GPR137: variants seen among roughly 807,000 people sequenced by gnomAD.
GPR137 encodes the protein integral membrane protein GPR137.
GPR137 carries 20 observed loss-of-function variants against 38.9 expected under a neutral mutation model. The observed-to-expected ratio is 0.51, with a 90% confidence interval of 0.36 to 0.75. The LOEUF (loss-of-function observed/expected upper bound fraction) is 0.75. Among genes scored for constraint, GPR137 ranks in the 30% least tolerant of loss-of-function variants. The pLI is 0.00. For missense variants in GPR137, 456 were observed against 526.4 expected (o/e 0.87, Z 1.31); for synonymous variants, 226 against 235.8 (o/e 0.96, Z 0.38).
At chr11:64,285,326 T>G, upstream of GPR137, 2 of 984,766 alleles carry the variant, frequency 2.0e-6, no homozygotes, top group African/African-American at 3.5e-5. Flanking sequence ...GGGGACCCGG[T>G]GAGGGAGGAC....
chr11:64,284,314 C>G (rs776378280), upstream of GPR137: 2 of 1,612,626 alleles, frequency 1.2e-6, no homozygotes, highest in African/African-American at 1.3e-5. Flanking sequence ...AGGCCCCTCT[C>G]TGCAGAGCTG....
rs375188669 is a variant in GPR137 at position 64,288,326 on chromosome 11, C to G, written c.784-14C>G. 1.2e-6 allele frequency: 2 copies of G among 1,613,676 alleles called. No homozygotes were observed. Among genetic ancestry groups the G allele is most frequent in the Admixed American group, 3.3e-5 (2 of 60,022 alleles). On this transcript the variant is annotated splice_polypyrimidine_tract_variant and intron_variant, in intron 4 of 6. Transcript: ENST00000438980. The surrounding 1 kb of genome is among the most constrained non-coding windows in gnomAD (Gnocchi z 5.5). ...CGTGACTGCAGACTGGCACCAGCCC[C>G]TGCCTTCCCACAGGCGGACCTGGTG...
At chr11:64,280,643 G>A (rs557479854), upstream of GPR137, among the ~76,000 whole-genome samples, 3 of 148,706 alleles carry the variant, frequency 2.0e-5, no homozygotes, top group Admixed American at 6.7e-5. Context: ...GAGCCACCGC[G>A]CCTGGCCTAA....
At position 64,286,009 on chromosome 11, in the gene GPR137, C is replaced by G. The variant is rs1203482683; in HGVS notation, c.-516C>G. ...GGGCGGGGGCAGCTTTCGAGAATTA[C>G]GAGGACAGGAGGCAGAGGCCCTCCC... On this transcript the variant is annotated 5_prime_UTR_variant, in exon 1 of 7. Coordinates refer to ENST00000438980, the MANE Select transcript of GPR137 (RefSeq NM_001170880.2). 1 of 984,906 alleles carries G rather than the reference C, an allele frequency of 1.0e-6. No homozygotes were observed. Among genetic ancestry groups the G allele is most frequent in the Non-Finnish European group, 1.2e-6 (1 of 829,372 alleles). The allele number at this position is 984,906 out of a possible 1,614,324, so 61.0% of individuals were successfully genotyped here. A position where few individuals can be genotyped will look rare whatever the true frequency, so the allele number is the denominator to read the frequency against.
At chr11:64,281,765 G>A (rs2033490524), upstream of GPR137, among the ~76,000 whole-genome samples, 1 of 152,164 alleles carries the variant, frequency 6.6e-6, no homozygotes, top group African/African-American at 2.4e-5. Context: ...TCTGTCGCCA[G>A]GCTGGAGTGC....
upstream of GPR137, among the ~76,000 whole-genome samples, chr11:64,282,007 C>G (rs1353897125): frequency 6.6e-6 from 1 of 152,214 alleles, no homozygotes; most frequent in Admixed American, 6.5e-5. Flanking sequence ...GCGTGAGCCA[C>G]CGCGCCCGGC....
Position 64,288,099 on chromosome 11 carries a change from G to A in GPR137, c.668G>A (p.Gly223Asp). 6.2e-7 allele frequency: 1 copy of A among 1,612,020 alleles called. No individual in the cohort carries two copies. Among genetic ancestry groups the A allele is most frequent in the Non-Finnish European group, 8.5e-7 (1 of 1,179,972 alleles). ...GTGTGCCAGGCGGCCGCGATGGGTG[G>A]CGCCATGGTCCTGCTCTATGCCAGC... ...TSVCQAAAMG[G>D]AMVLLYASRA... Residue 223 changes from glycine (G) to aspartate (D), a missense_variant, in exon 4 of 7, where the codon GGC becomes GAC. Coordinates refer to ENST00000438980, the MANE Select transcript of GPR137 (RefSeq NM_001170880.2). This position sits in a 1 kb window ranked among gnomAD's most constrained non-coding sequence, Gnocchi z 5.5.
At position 64,288,051 on chromosome 11, in the gene GPR137, G is replaced by C; in HGVS notation, c.634-14G>C. The C allele has an allele frequency of 6.2e-7, 1 of 1,608,826 alleles. No individual in the cohort carries two copies. Among genetic ancestry groups the C allele is most frequent in the Non-Finnish European group, 8.5e-7 (1 of 1,179,956 alleles). ...CTTCTCTCCCTGAGGGTCCTCTGTT[G>C]TTACCTGTGCCAGGGGACCAGTGTG... On this transcript the variant is annotated splice_polypyrimidine_tract_variant and intron_variant, in intron 3 of 6. Transcript: ENST00000438980. The surrounding 1 kb of genome is among the most constrained non-coding windows in gnomAD (Gnocchi z 5.5).
chr11:64,284,757 CA>C, upstream of GPR137: 3 of 1,535,654 alleles, frequency 2.0e-6, no homozygotes, highest in Non-Finnish European at 2.6e-6. Context: ...CTCGGAACGT[CA>C]CTCGGGTAGG....
At chr11:64,283,568 C>G (rs2033626896), upstream of GPR137, among the ~76,000 whole-genome samples, 1 of 152,226 alleles carries the variant, frequency 6.6e-6, no homozygotes, top group Non-Finnish European at 1.5e-5. Flanking sequence ...CAGGACAGTC[C>G]TGCTGTGGGT....
At chr11:64,287,649 C>T in intron 2 of GPR137, 72 bp from the exon 3 acceptor site, 1 of 1,586,906 alleles carries the variant, frequency 6.3e-7, no homozygotes, top group Non-Finnish European at 8.5e-7. Context: ...TTGGGGTTTC[C>T]TGCAGGAGGT....
chr11:64,284,620 A>T (rs1028432318), upstream of GPR137: 1 of 1,511,972 alleles, frequency 6.6e-7, no homozygotes, highest in African/African-American at 1.4e-5. Context: ...GTGACGGCGC[A>T]CAGGTCTCAC....
At chr11:64,280,691 G>A (rs1463180782), upstream of GPR137, among the ~76,000 whole-genome samples, 2 of 150,748 alleles carry the variant, frequency 1.3e-5, no homozygotes, top group Non-Finnish European at 2.9e-5. Context: ...TTTTTGAGAC[G>A]GACTCTTGCT....
At chr11:64,279,538 G>A (rs371692328), upstream of GPR137, among the ~76,000 whole-genome samples, 2 of 151,984 alleles carry the variant, frequency 1.3e-5, no homozygotes, top group African/African-American at 4.8e-5. Flanking sequence ...AGGCTGAGGC[G>A]GGTGGATCAC....
At chr11:64,271,957 T>C (rs2032662453), upstream of GPR137, 8 of 512,106 alleles carry the variant, frequency 1.6e-5, no homozygotes, top group Middle Eastern at 5.4e-4. Flanking sequence ...GTCCCTTGTA[T>C]GTGAATCGAG....
chr11:64,284,800 G>GCCCCCC, upstream of GPR137: 1 of 1,425,270 alleles, frequency 7.0e-7, no homozygotes, highest in Non-Finnish European at 9.5e-7. Flanking sequence ...GCCCGGCCCC[G>GCCCCCC]CCCCCCCGCC....
upstream of GPR137, among the ~76,000 whole-genome samples, chr11:64,274,356 C>T (rs1427863594): frequency 6.6e-6 from 1 of 150,782 alleles, no homozygotes; most frequent in Non-Finnish European, 1.5e-5. Flanking sequence ...CACTGCACTC[C>T]AGCCTGGGTG....
chr11:64,281,744 AT>A (rs2033487770), upstream of GPR137, among the ~76,000 whole-genome samples: 1 of 151,888 alleles, frequency 6.6e-6, no homozygotes, highest in African/African-American at 2.4e-5. Flanking sequence ...TTTTTTTGAG[AT>A]GAGTCTCACT....
rs1026572970 is a variant in GPR137, at chr11:64,289,424, C to T, written c.*228C>T. On this transcript the variant is annotated 3_prime_UTR_variant, in exon 7 of 7. Transcript: ENST00000438980. ...ACAGCACCCTGGCATGACCTGCCACCTCTGCTTCCACACCGGAGCCAGCTA... is the reference window on the plus strand; with the variant it reads ...ACAGCACCCTGGCATGACCTGCCACTTCTGCTTCCACACCGGAGCCAGCTA... The T allele has an allele frequency of 2.6e-6, 4 of 1,524,654 alleles. No individual in the cohort carries two copies. Among genetic ancestry groups the T allele is most frequent in the African/African-American group, 2.8e-5 (2 of 72,120 alleles). The allele number at this position is 1,524,654 out of a possible 1,614,324, so 94.4% of individuals were successfully genotyped here.
Sources: allele counts gnomAD v4.1 joint callset (sites outside exome capture counted in the v4.1 genomes callset), GRCh38; gene constraint gnomAD v4.1.1; non-coding constraint Gnocchi (gnomAD v3.1); transcripts MANE v1.5; gene names NCBI Gene and HGNC (gene_info 2026-07-23, HGNC 2026-07-21).